MIPOL1: variants seen among roughly 807,000 people sequenced by gnomAD.
MIPOL1 encodes the protein mirror-image polydactyly 1.
MIPOL1 carries 57 observed loss-of-function variants against 60.9 expected under a neutral mutation model. That is an observed-to-expected ratio of 0.94 (90% CI 0.76 to 1.17). The LOEUF (loss-of-function observed/expected upper bound fraction) is 1.17, where lower values mean the gene tolerates loss of function less well. MIPOL1 is among the 50% of genes most tolerant of loss of function. MIPOL1 has a pLI of 0.00. For missense variants in MIPOL1, 551 were observed against 511.6 expected, an observed-to-expected ratio of 1.08 and a Z score of -0.74; for synonymous variants, 179 against 168.8, an observed-to-expected ratio of 1.06 and a Z score of -0.47.
chr14:37,552,244 T>C (rs551147367), downstream of MIPOL1: 2 of 152,340 alleles, frequency 1.3e-5, no homozygotes, highest in African/African-American at 4.8e-5. Flanking sequence ...CCTTTGTGAT[T>C]TGTCACACAT....
At chr14:37,205,126 G>A (rs995005784) in intron 1 of MIPOL1, among the ~76,000 whole-genome samples, 1 of 151,274 alleles carries the variant, frequency 6.6e-6, no homozygotes, top group South Asian at 2.1e-4. Context: ...TTTTTGAGAC[G>A]GAGTTTTGCT....
At chr14:37,413,946 A>C (rs916337017) in intron 10 of MIPOL1, among the ~76,000 whole-genome samples, 3 of 152,226 alleles carry the variant, frequency 2.0e-5, no homozygotes, top group Non-Finnish European at 4.4e-5. Context: ...AACAAAATGT[A>C]AATATTTACA....
At chr14:37,364,644 A>G (rs2092408903) in intron 9 of MIPOL1, among the ~76,000 whole-genome samples, 1 of 152,220 alleles carries the variant, frequency 6.6e-6, no homozygotes, top group African/African-American at 2.4e-5. Flanking sequence ...TATAATTTAA[A>G]GTGAAGTAAA....
intron 6 of MIPOL1, among the ~76,000 whole-genome samples, chr14:37,273,132 TAAG>T (rs1567232641): frequency 6.6e-6 from 1 of 151,124 alleles, no homozygotes; most frequent in Non-Finnish European, 1.5e-5. Flanking sequence ...TTGTAATAAT[TAAG>T]AATATTTGAG....
intron 12 of MIPOL1, chr14:37,545,838 A>G: frequency 2.3e-6 from 1 of 430,214 alleles, no homozygotes. Context: ...TTATTTGCAG[A>G]GGACCCTCAT....
chr14:37,352,384 G>T (rs868045479), intron 9 of MIPOL1, among the ~76,000 whole-genome samples: 310 of 14,390 alleles, frequency 0.022, 49 homozygotes, highest in African/African-American at 0.045. Context: ...ACTTGGCGAT[G>T]CGGGCTCTTT....
chr14:37,331,889 G>T (rs746043800), intron 9 of MIPOL1, among the ~76,000 whole-genome samples: 1 of 152,108 alleles, frequency 6.6e-6, no homozygotes, highest in Non-Finnish European at 1.5e-5. Flanking sequence ...GGTGCTTCAC[G>T]CCTGTAATCC....
intron 1 of MIPOL1, among the ~76,000 whole-genome samples, chr14:37,204,082 C>T (rs1351436684): frequency 1.3e-5 from 2 of 151,714 alleles, no homozygotes; most frequent in Non-Finnish European, 2.9e-5. Context: ...GCGCCCAGCC[C>T]CCTCAGGGAT....
chr14:37,224,240 G>T (rs550355538), intron 1 of MIPOL1, among the ~76,000 whole-genome samples: 1 of 152,158 alleles, frequency 6.6e-6, no homozygotes, highest in Non-Finnish European at 1.5e-5. Context: ...GGCACTTTGC[G>T]AGGCTGAGGT....
chr14:37,411,565 A>G (rs919524280), intron 10 of MIPOL1, among the ~76,000 whole-genome samples: 1 of 152,080 alleles, frequency 6.6e-6, no homozygotes, highest in African/African-American at 2.4e-5. Context: ...CTAGTTCTCT[A>G]TGGTTGGTAA....
chr14:37,271,850 T>C (rs185115926), intron 6 of MIPOL1, among the ~76,000 whole-genome samples: 1 of 151,696 alleles, frequency 6.6e-6, no homozygotes, highest in Admixed American at 6.6e-5. Context: ...TTAATAAGAT[T>C]AGGGTTTTCA....
Position 37,483,815 on chromosome 14 carries a change from T to C in MIPOL1, c.1032-16093T>C, listed in dbSNP as rs115061310. ...ACACCTGACTGATTTTTTAAAAATT[T>C]TGTAGAGGCAGGGTTTCACTATGTT... On this transcript the variant is annotated intron_variant, in intron 11 of 12. Coordinates refer to ENST00000684589, the MANE Select transcript of MIPOL1 (RefSeq NM_001388067.1). 6.9e-3 allele frequency among the ~76,000 whole-genome samples: 1,054 copies of C among 152,154 alleles called. 12 individuals carry two copies. Among genetic ancestry groups the C allele is most frequent in the African/African-American group, 0.024 (1,013 of 41,498 alleles).
chr14:37,329,336 G>A (rs1818947419), intron 9 of MIPOL1, among the ~76,000 whole-genome samples: 1 of 152,030 alleles, frequency 6.6e-6, no homozygotes, highest in South Asian at 2.1e-4. Flanking sequence ...TACAGTAGTT[G>A]GTTAATCAGT....
intron 11 of MIPOL1, among the ~76,000 whole-genome samples, chr14:37,435,724 G>A (rs560258916): frequency 4.6e-5 from 7 of 151,852 alleles, no homozygotes; most frequent in Admixed American, 1.3e-4. Context: ...TGAGAGAAGG[G>A]GACATTTTAA....
Position 37,308,045 on chromosome 14 carries a change from C to G in MIPOL1, c.624-11C>G. 1 of 1,608,426 alleles carries G rather than the reference C, an allele frequency of 6.2e-7. No homozygotes were observed. The highest frequency in any genetic ancestry group is 8.5e-7 in the Non-Finnish European group (1 of 1,176,858). On this transcript the variant is annotated splice_polypyrimidine_tract_variant and intron_variant, in intron 7 of 12. Transcript: ENST00000684589. The stretch of plus-strand genomic sequence containing the variant: ...GCTACTGATCAGGCTTTCTGTGTCC[C>G]TTTTTTCTAGGCTAGAAAATATTAA...
chr14:37,270,496 C>T lies in MIPOL1; in HGVS notation c.464C>T (p.Thr155Ile). 1.9e-6 allele frequency: 3 copies of T among 1,598,322 alleles called. No homozygotes were observed. Among genetic ancestry groups the T allele is most frequent in the Non-Finnish European group, 2.6e-6 (3 of 1,172,106 alleles). Reference protein sequence around the residue: ...KFKLELQEKETEAKIAEKTAA... With the variant: ...KFKLELQEKEIEAKIAEKTAA... Reference sequence around the variant, plus strand: ...AAGCTGGAACTCCAAGAGAAAGAAACAGAAGCTAAAATTGCTGAAAAGACA... The same window carrying T: ...AAGCTGGAACTCCAAGAGAAAGAAATAGAAGCTAAAATTGCTGAAAAGACA... Residue 155 changes from threonine to isoleucine, a missense_variant, in exon 6 of 13, where the codon ACA becomes ATA. Transcript: ENST00000684589.
At chr14:37,208,179 G>A (rs1016393634) in intron 1 of MIPOL1, among the ~76,000 whole-genome samples, 1 of 152,154 alleles carries the variant, frequency 6.6e-6, no homozygotes, top group African/African-American at 2.4e-5. Context: ...TTGCAGTTCT[G>A]TGTTAGGATG....
At chr14:37,412,141 C>T (rs2093690524) in intron 10 of MIPOL1, among the ~76,000 whole-genome samples, 1 of 152,066 alleles carries the variant, frequency 6.6e-6, no homozygotes, top group Non-Finnish European at 1.5e-5. Flanking sequence ...ATGGTATTAC[C>T]TCGTATCATC....
At chr14:37,243,209 C>T (rs566545778) in intron 1 of MIPOL1, among the ~76,000 whole-genome samples, 1 of 152,186 alleles carries the variant, frequency 6.6e-6, no homozygotes, top group East Asian at 1.9e-4. Flanking sequence ...TACAGGGCCA[C>T]TATTATCCCT....
Sources: allele counts gnomAD v4.1 joint callset (sites outside exome capture counted in the v4.1 genomes callset), GRCh38; gene constraint gnomAD v4.1.1; transcripts MANE v1.5; gene names NCBI Gene and HGNC (gene_info 2026-07-23, HGNC 2026-07-21).